The following KDM6A variants were observed in gnomAD, a reference collection of about 807,000 sequenced individuals.
The protein encoded by KDM6A is lysine-specific demethylase 6A.
In KDM6A, 11 loss-of-function variants were observed where a neutral mutation model predicts 117.6. The ratio of observed to expected loss-of-function variants is 0.09; its 90% CI spans 0.06 to 0.15. The LOEUF (loss-of-function observed/expected upper bound fraction) is 0.15, where lower values mean the gene tolerates loss of function less well. Ranked by LOEUF, KDM6A falls within the 10% of genes least tolerant of loss-of-function variation. The probability of loss-of-function intolerance (pLI) is 1.00; values close to 1 mark genes in which losing one functional copy is unlikely to be tolerated. For missense variants in KDM6A, 799 were observed against 1,077.3 expected (o/e 0.74, Z 3.62); for synonymous variants, 384 against 396.1 (o/e 0.97, Z 0.36).
chrX:44,879,869 T>C (rs1292412142), intron 2 of KDM6A, among the ~76,000 whole-genome samples: 2 of 112,198 alleles, frequency 1.8e-5, no homozygotes, highest in Non-Finnish European at 3.8e-5. Flanking sequence ...TAGGAAAACA[T>C]GATTTAAAAA....
At chrX:45,028,631 C>T (rs1486303363) in intron 6 of KDM6A, among the ~76,000 whole-genome samples, 2 of 112,160 alleles carry the variant, frequency 1.8e-5, no homozygotes, top group Non-Finnish European at 3.8e-5. Flanking sequence ...CTTTTTCTCA[C>T]TTGTAGAAAA....
intron 4 of KDM6A, among the ~76,000 whole-genome samples, chrX:44,998,031 G>A (rs2040949586): frequency 8.9e-6 from 1 of 112,059 alleles, no homozygotes; most frequent in Non-Finnish European, 1.9e-5. Flanking sequence ...AAGCTAGATT[G>A]TGGGGACTTT....
chrX:45,049,530 C>A (rs936541717), intron 8 of KDM6A, among the ~76,000 whole-genome samples: 6 of 111,930 alleles, frequency 5.4e-5, no homozygotes, highest in Non-Finnish European at 1.1e-4. Flanking sequence ...TTCATATTTC[C>A]AAATATGATG....
intron 3 of KDM6A, among the ~76,000 whole-genome samples, chrX:44,967,744 A>C (rs1052151468): frequency 2.7e-5 from 3 of 112,393 alleles, no homozygotes; most frequent in Non-Finnish European, 5.6e-5. Flanking sequence ...GAATTCCAAG[A>C]AACAATTTTG....
intron 2 of KDM6A, among the ~76,000 whole-genome samples, chrX:44,899,227 G>A (rs1321729014): frequency 5.2e-5 from 2 of 38,528 alleles, no homozygotes; most frequent in African/African-American, 3.1e-4. Flanking sequence ...GTGTATGCGT[G>A]TGTGTGTGTG....
chrX:44,873,800 C>T, intron 1 of KDM6A, 88 bp downstream of exon 1: 1 of 1,138,753 alleles, frequency 8.8e-7, no homozygotes, highest in South Asian at 1.9e-5. Flanking sequence ...TCTCTGGCGG[C>T]GGCGGGGCGG....
Position 44,958,604 on chromosome X carries a change from CTTTTTTTTT to C in KDM6A, c.226-2663_226-2655del, listed in dbSNP as rs34006049. Among the ~76,000 whole-genome samples, 98 of 56,453 alleles carry C rather than the reference CTTTTTTTTT, an allele frequency of 1.7e-3. 1 individual carries two copies. Among genetic ancestry groups the C allele is most frequent in the Middle Eastern group, 0.012 (1 of 86 alleles). 49.0% of individuals were successfully genotyped at this position (56,453 alleles called of 115,157 possible). On this transcript the variant is annotated intron_variant, in intron 2 of 29. Transcript: ENST00000611820. The stretch of plus-strand genomic sequence containing the variant: ...TTCTGTGTGGGACAACTATATAGAC[CTTTTTTTTT>C]TTTTTTTTTTTTTTTTGCTGTGACA...
intron 16 of KDM6A, among the ~76,000 whole-genome samples, 179 bp downstream of exon 16, chrX:45,062,927 CTA>C (rs2044365415): frequency 8.9e-6 from 1 of 111,939 alleles, no homozygotes; most frequent in African/African-American, 3.2e-5. Flanking sequence ...ACAAAAGCAA[CTA>C]TAATTTTGAA....
intron 17 of KDM6A, among the ~76,000 whole-genome samples, chrX:45,068,788 C>CTTTCTCTT (rs1469948409): frequency 1.2e-5 from 1 of 81,021 alleles, no homozygotes; most frequent in East Asian, 3.7e-4. Context: ...CCTCTCTCTT[C>CTTTCTCTT]TTTCTCTTTC....
chrX:45,029,442 A>G lies in KDM6A; in HGVS notation c.565-5489A>G, dbSNP rs190295015. 2.4e-3 allele frequency among the ~76,000 whole-genome samples: 257 copies of G among 109,047 alleles called. 1 individual carries two copies. The highest frequency in any genetic ancestry group is 7.6e-3 in the African/African-American group (228 of 29,861). 94.7% of individuals were successfully genotyped at this position (109,047 alleles called of 115,157 possible). ...GAGCGAAACCCCATCTAATAAATAAATACATACATACATACAAAATTTAGT... is the reference window on the plus strand; with the variant it reads ...GAGCGAAACCCCATCTAATAAATAAGTACATACATACATACAAAATTTAGT... On this transcript the variant is annotated intron_variant, in intron 6 of 29. Transcript: ENST00000611820.
chrX:44,998,930 G>A (rs1602510680), intron 4 of KDM6A, among the ~76,000 whole-genome samples: 1 of 111,698 alleles, frequency 9.0e-6, no homozygotes. Context: ...TACCCATGAG[G>A]GATATGTTCC....
chrX:45,069,432 G>T (rs529188996), intron 17 of KDM6A, 147 bp from the exon 18 acceptor site: 2 of 526,812 alleles, frequency 3.8e-6, no homozygotes, highest in South Asian at 3.5e-5. Context: ...TAAGTTGCAG[G>T]TACTTTTTGA....
At chrX:44,956,075 A>G (rs1197451491) in intron 2 of KDM6A, among the ~76,000 whole-genome samples, 4 of 111,908 alleles carry the variant, frequency 3.6e-5, no homozygotes, top group East Asian at 2.8e-4. Context: ...GGCACTATCC[A>G]AAGTGCAATT....
intron 27 of KDM6A, 68 bp from the exon 28 acceptor site, chrX:45,107,342 T>C (rs1453152470): frequency 2.0e-6 from 2 of 1,018,242 alleles, no homozygotes; most frequent in Non-Finnish European, 2.8e-6. Context: ...TTCTAGTTGG[T>C]ATATCTTTTA....
At chrX:45,078,168 A>T (rs942185757) in intron 19 of KDM6A, among the ~76,000 whole-genome samples, 38 of 112,224 alleles carry the variant, frequency 3.4e-4, no homozygotes, top group African/African-American at 1.2e-3. Context: ...TTTCAGTTTC[A>T]TTTCTCCTAC....
chrX:44,927,849 A>C (rs1348436670), intron 2 of KDM6A, among the ~76,000 whole-genome samples: 2 of 111,963 alleles, frequency 1.8e-5, no homozygotes, highest in Admixed American at 1.9e-4. Flanking sequence ...AACTAACCAG[A>C]GACATCAGTG....
chrX:44,979,705 G>A (rs2039793032), intron 4 of KDM6A, among the ~76,000 whole-genome samples: 1 of 110,552 alleles, frequency 9.0e-6, no homozygotes. Flanking sequence ...TTTGGCCTGT[G>A]ATACATTTCA....
chrX:45,111,329 T>C, intron 29 of KDM6A, 53 bp from the exon 30 acceptor site: 1 of 974,962 alleles, frequency 1.0e-6, no homozygotes. Flanking sequence ...TTTGTAGCCA[T>C]GAGCTATTAA....
chrX:45,004,717 T>C (rs2041340593), intron 4 of KDM6A, among the ~76,000 whole-genome samples: 1 of 111,628 alleles, frequency 9.0e-6, no homozygotes, highest in Non-Finnish European at 1.9e-5. Flanking sequence ...CATATTTTCC[T>C]GTTGATCTGC....
Sources: allele counts gnomAD v4.1 joint callset (sites outside exome capture counted in the v4.1 genomes callset), GRCh38; gene constraint gnomAD v4.1.1; transcripts MANE v1.5; gene names NCBI Gene and HGNC (gene_info 2026-07-23, HGNC 2026-07-21).